SUCO: variants seen among roughly 807,000 people sequenced by gnomAD.
SUCO encodes SUN domain containing ossification factor, also known as SUN domain-containing ossification factor.
Under a neutral mutation model 148.1 loss-of-function variants are expected in SUCO, and 57 were observed. The ratio of observed to expected loss-of-function variants is 0.38; its 90% confidence interval spans 0.31 to 0.48. SUCO has a LOEUF of 0.48. Ranked by LOEUF, SUCO falls within the 20% of genes least tolerant of loss-of-function variation. The probability of loss-of-function intolerance (pLI) is 0.96; values close to 1 mark genes in which losing one functional copy is unlikely to be tolerated. For missense variants in SUCO, 1,331 were observed against 1,468.2 expected (o/e 0.91, Z 1.53); for synonymous variants, 470 against 502.7 (o/e 0.93, Z 0.87).
intron 7 of SUCO, 76 bp downstream of exon 7, chr1:172,569,218 T>C (rs1343291956): frequency 8.0e-7 from 1 of 1,250,190 alleles, no homozygotes; most frequent in Non-Finnish European, 1.1e-6. Context: ...TTTTTTTGAT[T>C]GGTAAAACAA....
chr1:172,558,165 C>G (rs1319087247), intron 6 of SUCO, among the ~76,000 whole-genome samples: 1 of 152,110 alleles, frequency 6.6e-6, no homozygotes, highest in Non-Finnish European at 1.5e-5. Context: ...GTTAATAATA[C>G]AAGATTAAAT....
chr1:172,577,487 A>T (rs893451635), intron 11 of SUCO, 52 bp from the exon 12 acceptor site: 2 of 1,543,946 alleles, frequency 1.3e-6, no homozygotes, highest in African/African-American at 2.7e-5. Context: ...TTATTGCATG[A>T]TGTCTAGACT....
chr1:172,539,629 G>C (rs1652290325), intron 1 of SUCO, among the ~76,000 whole-genome samples: 1 of 152,126 alleles, frequency 6.6e-6, no homozygotes, highest in African/African-American at 2.4e-5. Flanking sequence ...TAGGTACTAA[G>C]CTAATTTTGT....
At chr1:172,593,474 T>G (rs1167024699) in intron 19 of SUCO, among the ~76,000 whole-genome samples, 1 of 152,228 alleles carries the variant, frequency 6.6e-6, no homozygotes, top group Non-Finnish European at 1.5e-5. Flanking sequence ...ATTGAGAGTT[T>G]TTAGCATGAA....
chr1:172,581,056 C>T (rs1399868673), intron 15 of SUCO, among the ~76,000 whole-genome samples: 2 of 152,152 alleles, frequency 1.3e-5, no homozygotes, highest in Non-Finnish European at 2.9e-5. Context: ...GTTGAGATCG[C>T]ACCACTGCAC....
intron 4 of SUCO, chr1:172,556,554 T>A: frequency 1.0e-6 from 1 of 953,316 alleles, no homozygotes; most frequent in Non-Finnish European, 1.2e-6. Flanking sequence ...AATGTCCTTC[T>A]CTTAATACTA....
intron 1 of SUCO, among the ~76,000 whole-genome samples, chr1:172,534,768 A>T (rs1048989305): frequency 6.6e-6 from 1 of 152,148 alleles, no homozygotes; most frequent in Non-Finnish European, 1.5e-5. Context: ...TAGATACTGA[A>T]GCTTGTATTC....
chr1:172,604,893 T>C (rs1204962903), intron 22 of SUCO, among the ~76,000 whole-genome samples: 1 of 151,912 alleles, frequency 6.6e-6, no homozygotes, highest in Non-Finnish European at 1.5e-5. Flanking sequence ...ATTTTATTTA[T>C]GTACCTCATT....
At chr1:172,608,284 G>A in intron 22 of SUCO, 1 of 178,030 alleles carries the variant, frequency 5.6e-6, no homozygotes, top group South Asian at 1.8e-4. Context: ...TCTCTAACTG[G>A]CTTCCAAACA....
intron 6 of SUCO, among the ~76,000 whole-genome samples, chr1:172,566,052 G>A (rs764505432): frequency 2.6e-5 from 4 of 152,194 alleles, no homozygotes; most frequent in Non-Finnish European, 5.9e-5. Flanking sequence ...GCTTGCACAG[G>A]GGCTGGTAAC....
In SUCO at chr1:172,579,247, A is replaced by G; in HGVS notation, c.1478A>G (p.Asn493Ser). 2.5e-6 allele frequency: 4 copies of G among 1,599,828 alleles called. No individual in the cohort carries two copies. In the South Asian group the frequency reaches 4.4e-5, roughly 18 times the overall value. Residue 493 changes from asparagine to serine, a missense_variant, in exon 15 of 24, where the codon AAT (asparagine) becomes AGT (serine). Coordinates refer to ENST00000263688, the MANE Select transcript of SUCO (RefSeq NM_014283.5). ...ACTGGAGAGGATAAATCCTCAAAAA[A>G]TCTTCTTGGTTCTGCTACAAGTGAG... ...YNTGEDKSSK[N>S]LLGSATNAIL... is the part of the protein sequence containing the mutation.
chr1:172,555,861 T>C lies in SUCO; in HGVS notation c.289-8T>C. 1.3e-6 allele frequency: 2 copies of C among 1,583,218 alleles called. No homozygotes were observed. Among genetic ancestry groups the C allele is most frequent in the Non-Finnish European group, 8.6e-7 (1 of 1,165,572 alleles). ...CATTTAATTTAGCTGACTTGTTTTTTTAAACAGAATACAGAGTCAAAAAAG... is the reference window on the plus strand; with the variant it reads ...CATTTAATTTAGCTGACTTGTTTTTCTAAACAGAATACAGAGTCAAAAAAG... On this transcript the variant is annotated splice_region_variant and splice_polypyrimidine_tract_variant and intron_variant, in intron 3 of 23. Coordinates refer to ENST00000263688, the MANE Select transcript of SUCO (RefSeq NM_014283.5).
intron 4 of SUCO, 92 bp downstream of exon 4, chr1:172,556,115 G>A (rs1653741200): frequency 9.8e-7 from 1 of 1,021,162 alleles, no homozygotes; most frequent in Non-Finnish European, 1.4e-6. Context: ...TGATACTCAA[G>A]TTTGAAGTTT....
chr1:172,594,423 A>G (rs1185672232), intron 19 of SUCO, among the ~76,000 whole-genome samples: 3 of 152,216 alleles, frequency 2.0e-5, no homozygotes, highest in African/African-American at 4.8e-5. Context: ...ATTTAGTGCT[A>G]TAAATTTCCC....
rs140228625 is a variant in SUCO, at chr1:172,594,729, G to A, written c.2913+3658G>A. ...GTGGTCAATTTTGGAATAATTTTGT[G>A]GTGCCGAAAAGAATGTATATTTTGT... On this transcript the variant is annotated intron_variant, in intron 19 of 23. Coordinates refer to ENST00000263688, the MANE Select transcript of SUCO (RefSeq NM_014283.5). Among the ~76,000 whole-genome samples the A allele has an allele frequency of 3.0e-3, 464 of 152,196 alleles. 4 individuals carry two copies. Among genetic ancestry groups the A allele is most frequent in the African/African-American group, 0.011 (448 of 41,536 alleles).
At chr1:172,536,785 CTT>C (rs1402647548) in intron 1 of SUCO, among the ~76,000 whole-genome samples, 1 of 152,072 alleles carries the variant, frequency 6.6e-6, no homozygotes, top group Non-Finnish European at 1.5e-5. Flanking sequence ...AGGGGAGAAT[CTT>C]TTTCTAGAGG....
intron 6 of SUCO, among the ~76,000 whole-genome samples, chr1:172,559,045 T>A (rs1286542552): frequency 6.6e-6 from 1 of 152,120 alleles, no homozygotes; most frequent in East Asian, 1.9e-4. Context: ...TAGCCAATAG[T>A]TTTATGTAGT....
intron 15 of SUCO, 58 bp from the exon 16 acceptor site, chr1:172,584,960 T>A: frequency 9.0e-7 from 1 of 1,109,312 alleles, no homozygotes; most frequent in Non-Finnish European, 1.3e-6. Context: ...TATCTGATAT[T>A]AATTTATATT....
upstream of SUCO, chr1:172,532,866 C>T: frequency 6.6e-7 from 1 of 1,512,924 alleles, no homozygotes; most frequent in South Asian, 1.3e-5. Flanking sequence ...CGCAAGCCAG[C>T]AAGTGGGCGG....
Sources: allele counts gnomAD v4.1 joint callset (sites outside exome capture counted in the v4.1 genomes callset), GRCh38; gene constraint gnomAD v4.1.1; transcripts MANE v1.5; gene names NCBI Gene and HGNC (gene_info 2026-07-23, HGNC 2026-07-21).